DHRSX: variants seen among roughly 807,000 people sequenced by gnomAD.
The protein encoded by DHRSX is polyprenol dehydrogenase.
Under a neutral mutation model 34.0 loss-of-function variants are expected in DHRSX, and 31 were observed. The observed-to-expected ratio is 0.91, with a 90% confidence interval of 0.69 to 1.23. The LOEUF (loss-of-function observed/expected upper bound fraction) is 1.23. DHRSX is among the 50% of genes most tolerant of loss of function. DHRSX has a pLI of 0.00. For missense variants in DHRSX, 414 were observed against 428.1 expected (o/e 0.97, Z 0.29); for synonymous variants, 201 against 183.8 (o/e 1.09, Z -0.76).
intron 3 of DHRSX, among the ~76,000 whole-genome samples, chrX:2,366,085 T>C (rs1033009542): frequency 1.3e-5 from 2 of 152,102 alleles, no homozygotes; most frequent in African/African-American, 2.4e-5. Flanking sequence ...TCTAAACCCT[T>C]ACAATAGGCA....
chrX:2,393,529 C>T (rs777971464), intron 3 of DHRSX, among the ~76,000 whole-genome samples: 1,830 of 42,646 alleles, frequency 0.043, 64 homozygotes, highest in African/African-American at 0.13. Flanking sequence ...TCCGCACACA[C>T]GACACACAGG....
intron 6 of DHRSX, among the ~76,000 whole-genome samples, chrX:2,238,717 G>A (rs1187740057): frequency 6.6e-6 from 1 of 151,192 alleles, no homozygotes; most frequent in East Asian, 1.9e-4. Context: ...CCGAGTAGCT[G>A]GAATGACACA....
At chrX:2,422,337 A>G (rs1395442256) in intron 2 of DHRSX, among the ~76,000 whole-genome samples, 1 of 152,086 alleles carries the variant, frequency 6.6e-6, no homozygotes, top group Non-Finnish European at 1.5e-5. Flanking sequence ...ATCTCGGTTC[A>G]CTGCAACCTC....
At chrX:2,426,016 G>A (rs2043842329) in intron 1 of DHRSX, among the ~76,000 whole-genome samples, 1 of 152,106 alleles carries the variant, frequency 6.6e-6, no homozygotes, top group East Asian at 1.9e-4. Context: ...GAGTGACGTG[G>A]AATATGCAAC....
intron 3 of DHRSX, among the ~76,000 whole-genome samples, chrX:2,326,321 G>A (rs1200082317): frequency 2.6e-5 from 4 of 152,086 alleles, no homozygotes; most frequent in Admixed American, 1.3e-4. Flanking sequence ...TCAGGAGTTC[G>A]AGACCAGCCT....
intron 1 of DHRSX, among the ~76,000 whole-genome samples, chrX:2,493,655 T>C (rs1209549632): frequency 1.3e-5 from 2 of 151,882 alleles, no homozygotes; most frequent in Non-Finnish European, 2.9e-5. Flanking sequence ...CTGAAAAAGG[T>C]CTCAGTACCT....
chrX:2,288,841 T>C (rs1461809169), intron 4 of DHRSX, among the ~76,000 whole-genome samples: 1 of 152,204 alleles, frequency 6.6e-6, no homozygotes, highest in Non-Finnish European at 1.5e-5. Flanking sequence ...CCTGTCCCAG[T>C]TTCCAGAATA....
chrX:2,332,057 T>C (rs2042485375), intron 3 of DHRSX, among the ~76,000 whole-genome samples: 1 of 152,206 alleles, frequency 6.6e-6, no homozygotes, highest in African/African-American at 2.4e-5. Context: ...ATCGTTGGAA[T>C]GGTGTATGGA....
chrX:2,471,599 A>G (rs1178484844), intron 1 of DHRSX, among the ~76,000 whole-genome samples: 19 of 151,508 alleles, frequency 1.3e-4, no homozygotes, highest in Non-Finnish European at 5.9e-5. Flanking sequence ...TGAGATTTCT[A>G]CACTGTGAAA....
rs780548947 is a variant in DHRSX, at chrX:2,353,260, T to C, written c.286+55485A>G. Among the ~76,000 whole-genome samples the C allele has an allele frequency of 2.4e-3, 370 of 151,898 alleles. 3 individuals are homozygous for C. Among genetic ancestry groups the C allele is most frequent in the African/African-American group, 8.4e-3 (348 of 41,414 alleles). On this transcript the variant is annotated intron_variant, in intron 3 of 6. Transcript: ENST00000334651. ...CCCTGTCTCAAAAAAAGAAAAAGCG[T>C]CCAACACCATCTTCCTGAAGCCATG...
intron 3 of DHRSX, among the ~76,000 whole-genome samples, chrX:2,339,013 G>T (rs975158025): frequency 1.3e-5 from 2 of 151,840 alleles, no homozygotes; most frequent in African/African-American, 2.4e-5. Context: ...TATAATTTCC[G>T]CAACGAGATG....
At chrX:2,357,631 T>C (rs2042872452) in intron 3 of DHRSX, among the ~76,000 whole-genome samples, 1 of 150,482 alleles carries the variant, frequency 6.6e-6, no homozygotes, top group South Asian at 2.1e-4. Flanking sequence ...ACAAAGGATC[T>C]GAACAAATAA....
At chrX:2,360,943 G>A (rs1408107600) in intron 3 of DHRSX, among the ~76,000 whole-genome samples, 3 of 152,130 alleles carry the variant, frequency 2.0e-5, no homozygotes, top group Non-Finnish European at 4.4e-5. Context: ...GATGGAGCTG[G>A]AATTTGGGGA....
Position 2,489,729 on chromosome X carries a change from T to A in DHRSX, c.109+11088A>T, listed in dbSNP as rs768397574. ...TGCTGCTTCTGCTTCTCATAGAGCA[T>A]GTACATGGCCACGGCAGACTGCTGG... On this transcript the variant is annotated intron_variant, in intron 1 of 6. Transcript: ENST00000334651. 4 of 1,613,040 alleles carry A rather than the reference T, an allele frequency of 2.5e-6. No individual in the cohort carries two copies. The African/African-American group carries it at 4.0e-5, about 16-fold the overall frequency.
At chrX:2,371,416 C>CTTTCGTTACCATAGTCT (rs1298613895) in intron 3 of DHRSX, among the ~76,000 whole-genome samples, 1 of 151,252 alleles carries the variant, frequency 6.6e-6, no homozygotes, top group Non-Finnish European at 1.5e-5. Flanking sequence ...TACCATAGTC[C>CTTTCGTTACCATAGTCT]CTCCTTCTGT....
At chrX:2,243,805 T>G (rs1426218107) in intron 5 of DHRSX, among the ~76,000 whole-genome samples, 12 of 90,178 alleles carry the variant, frequency 1.3e-4, no homozygotes, top group African/African-American at 4.2e-4. Flanking sequence ...TTTTTTTTTT[T>G]TTTTTTTTTT....
rs2042843576 is a variant in DHRSX, at chrX:2,355,791, G to A, written c.286+52954C>T. On this transcript the variant is annotated intron_variant, in intron 3 of 6. Transcript: ENST00000334651. ...ATCAAGAATGAGGAGACTCAGCTGG[G>A]TATGGTGGCTCACCCTGTAATCCCA... Among the ~76,000 whole-genome samples the A allele has an allele frequency of 2.0e-5, 3 of 152,162 alleles. 1 individual carries two copies. The South Asian group carries it at 6.2e-4, about 32-fold the overall frequency.
chrX:2,446,364 C>T (rs927476659), intron 1 of DHRSX, among the ~76,000 whole-genome samples: 2 of 151,660 alleles, frequency 1.3e-5, no homozygotes, highest in Admixed American at 6.6e-5. Flanking sequence ...TGAAGACGTT[C>T]CCTAAGAATG....
chrX:2,299,463 A>G (rs1310286011), intron 3 of DHRSX, among the ~76,000 whole-genome samples: 2 of 152,162 alleles, frequency 1.3e-5, no homozygotes, highest in African/African-American at 2.4e-5. Flanking sequence ...AAGTGAGTCT[A>G]CAATTCTCAC....
Sources: allele counts gnomAD v4.1 joint callset (sites outside exome capture counted in the v4.1 genomes callset), GRCh38; gene constraint gnomAD v4.1.1; transcripts MANE v1.5; gene names NCBI Gene and HGNC (gene_info 2026-07-23, HGNC 2026-07-21).